TANC2: variants seen among roughly 807,000 people sequenced by gnomAD.
TANC2 encodes tetratricopeptide repeat, ankyrin repeat and coiled-coil containing 2, also known as protein TANC2.
A neutral mutation model predicts 210.5 loss-of-function variants in TANC2; 26 were observed. That is an observed-to-expected ratio of 0.12 (90% CI 0.09 to 0.17). The LOEUF (loss-of-function observed/expected upper bound fraction) is 0.17. Ranked by LOEUF, TANC2 falls within the 10% of genes least tolerant of loss-of-function variation. The probability of loss-of-function intolerance (pLI) is 1.00; values close to 1 mark genes in which losing one functional copy is unlikely to be tolerated. For missense variants in TANC2, 2,129 were observed against 2,608.9 expected (o/e 0.82, Z 4.01); for synonymous variants, 931 against 967.1 (o/e 0.96, Z 0.69).
intron 7 of TANC2, among the ~76,000 whole-genome samples, chr17:63,201,353 G>A (rs2041527628): frequency 6.6e-6 from 1 of 152,288 alleles, no homozygotes; most frequent in Non-Finnish European, 1.5e-5. Context: ...TATGATTTGA[G>A]TTGTTCTGGG....
intron 5 of TANC2, among the ~76,000 whole-genome samples, chr17:63,193,302 T>A (rs2041244081): frequency 6.6e-6 from 1 of 152,160 alleles, no homozygotes; most frequent in Non-Finnish European, 1.5e-5. Flanking sequence ...GTGAGAGTTT[T>A]GTAGAGATTT....
intron 2 of TANC2, among the ~76,000 whole-genome samples, chr17:63,041,390 C>G (rs239365): frequency 0.057 from 8,687 of 151,992 alleles, 371 homozygotes; most frequent in African/African-American, 0.12. Flanking sequence ...ACAAAGAAAT[C>G]TGATTGGTTC....
intron 2 of TANC2, among the ~76,000 whole-genome samples, chr17:63,056,429 G>C (rs760138369): frequency 6.6e-6 from 1 of 152,032 alleles, no homozygotes; most frequent in Non-Finnish European, 1.5e-5. Context: ...TGTAATCCCA[G>C]CACTTTGGGA....
At chr17:63,400,967 A>G (rs978604241) in intron 19 of TANC2, among the ~76,000 whole-genome samples, 1 of 151,992 alleles carries the variant, frequency 6.6e-6, no homozygotes, top group African/African-American at 2.4e-5. Flanking sequence ...TACAATTTCT[A>G]TATCTATGAA....
At chr17:63,282,848 T>A (rs1177839220) in intron 9 of TANC2, among the ~76,000 whole-genome samples, 2 of 152,066 alleles carry the variant, frequency 1.3e-5, no homozygotes, top group African/African-American at 2.4e-5. Flanking sequence ...AAACTTTTTT[T>A]ATCTAGTTTG....
intron 7 of TANC2, among the ~76,000 whole-genome samples, chr17:63,229,733 A>C (rs2042421084): frequency 6.6e-6 from 1 of 150,386 alleles, no homozygotes; most frequent in African/African-American, 2.4e-5. Context: ...GTTTATTTGC[A>C]TAGAGGTCTT....
intron 15 of TANC2, among the ~76,000 whole-genome samples, chr17:63,386,640 G>T (rs980365118): frequency 6.6e-6 from 1 of 152,040 alleles, no homozygotes; most frequent in Non-Finnish European, 1.5e-5. Context: ...TTGTTTATAT[G>T]CACTTGTATG....
At chr17:63,294,975 T>C (rs2044490383) in intron 9 of TANC2, among the ~76,000 whole-genome samples, 1 of 152,254 alleles carries the variant, frequency 6.6e-6, no homozygotes. Context: ...AACCAGCAGA[T>C]ATTCAAAATA....
intron 2 of TANC2, among the ~76,000 whole-genome samples, chr17:63,041,676 C>CTAGAAGA (rs2035192337): frequency 6.6e-6 from 1 of 152,008 alleles, no homozygotes; most frequent in South Asian, 2.1e-4. Context: ...CTGTAATGAA[C>CTAGAAGA]TAGAAGAGTC....
At chr17:63,082,103 G>A (rs573168926) in intron 3 of TANC2, among the ~76,000 whole-genome samples, 18 of 152,224 alleles carry the variant, frequency 1.2e-4, no homozygotes, top group African/African-American at 3.6e-4. Flanking sequence ...CCCGGGAGGC[G>A]GAGCTTGCAG....
chr17:63,335,076 A>G (rs948919727), intron 11 of TANC2, among the ~76,000 whole-genome samples: 1 of 152,220 alleles, frequency 6.6e-6, no homozygotes, highest in African/African-American at 2.4e-5. Context: ...ACCTCCCTCC[A>G]GGCTGCATCT....
chr17:63,008,323 A>T (rs1403522385), intron 1 of TANC2, among the ~76,000 whole-genome samples: 1 of 151,882 alleles, frequency 6.6e-6, no homozygotes, highest in Non-Finnish European at 1.5e-5. Context: ...ATATGTTAGA[A>T]CTTTTCAGTG....
chr17:63,149,253 T>C (rs1166139307), intron 4 of TANC2: 1 of 152,108 alleles, frequency 6.6e-6, no homozygotes, highest in Non-Finnish European at 1.5e-5. Context: ...CACCATATAG[T>C]CCATACTCTC....
Position 63,296,615 on chromosome 17 carries a change from T to G in TANC2, c.1160-17773T>G, listed in dbSNP as rs2044544814. 2.0e-5 allele frequency among the ~76,000 whole-genome samples: 3 copies of G among 152,146 alleles called. No homozygotes were observed. In the South Asian group the frequency reaches 6.2e-4, roughly 31 times the overall value. The stretch of plus-strand genomic sequence containing the variant: ...GACATTGGACTTATCAAACAAAGAC[T>G]TTAAATCAGCTGTATTAAATAGGGT... On this transcript the variant is annotated intron_variant, in intron 9 of 27. Coordinates refer to ENST00000689528, the Ensembl canonical transcript of TANC2.
intron 11 of TANC2, chr17:63,331,856 C>CTG (rs765243268): frequency 0.11 from 17,340 of 153,118 alleles, 902 homozygotes; most frequent in South Asian, 0.15. Context: ...GTGTGTGTGT[C>CTG]TGTGTGTGTG....
At chr17:63,159,156 C>T (rs1307099853) in intron 5 of TANC2, among the ~76,000 whole-genome samples, 1 of 152,148 alleles carries the variant, frequency 6.6e-6, no homozygotes, top group African/African-American at 2.4e-5. Context: ...TCATTAGAAG[C>T]CAGCCAGTAG....
chr17:63,264,476 A>G (rs2043463388), intron 8 of TANC2, among the ~76,000 whole-genome samples: 1 of 152,160 alleles, frequency 6.6e-6, no homozygotes, highest in South Asian at 2.1e-4. Context: ...ACCAAGCAAA[A>G]TGCCAGTATC....
At chr17:63,301,296 A>G (rs1328213241) in intron 9 of TANC2, among the ~76,000 whole-genome samples, 2 of 152,210 alleles carry the variant, frequency 1.3e-5, no homozygotes, top group Non-Finnish European at 2.9e-5. Context: ...GCCTCATAAA[A>G]TGAGTAAAGG....
intron 7 of TANC2, among the ~76,000 whole-genome samples, chr17:63,222,454 G>C (rs1268967430): frequency 6.6e-6 from 1 of 152,106 alleles, no homozygotes; most frequent in East Asian, 1.9e-4. Flanking sequence ...CATAAAACAA[G>C]CTTGAAACAA....
Sources: gnomAD v4.1 joint callset for allele counts (sites outside exome capture counted in the v4.1 genomes callset) on GRCh38, gnomAD v4.1.1 for gene constraint, MANE v1.5 for transcripts, NCBI Gene and HGNC (gene_info 2026-07-23, HGNC 2026-07-21) for gene names.